PDE4B: variants seen among roughly 807,000 people sequenced by gnomAD.
PDE4B encodes phosphodiesterase 4B, also known as 3',5'-cyclic-AMP phosphodiesterase 4B.
PDE4B carries 20 observed loss-of-function variants against 82.2 expected under a neutral mutation model. The ratio of observed to expected loss-of-function variants is 0.24; its 90% confidence interval spans 0.17 to 0.35. PDE4B has a LOEUF of 0.35. PDE4B is among the 10% of genes least tolerant of loss of function. The pLI is 1.00. For synonymous variants in PDE4B, 320 were observed against 318.9 expected, an observed-to-expected ratio of 1.00 and a Z score of -0.04; for missense variants, 655 against 907.2, an observed-to-expected ratio of 0.72 and a Z score of 3.57.
Position 65,880,607 on chromosome 1 carries a change from T to C in PDE4B, c.-70-32638T>C, listed in dbSNP as rs150087029. Among the ~76,000 whole-genome samples, 142 of 152,346 alleles carry C rather than the reference T, an allele frequency of 9.3e-4. 2 individuals carry two copies. In the East Asian group the frequency reaches 0.023, roughly 24 times the overall value. On this transcript the variant is annotated intron_variant, in intron 1 of 16. Transcript: ENST00000341517. ...GAGGGACCCCTCGCCCCTTCTGCTA[T>C]ATGAGGACATGGTGAAAAAGCACTA...
intron 3 of PDE4B, among the ~76,000 whole-genome samples, chr1:66,091,260 A>G (rs1405696004): frequency 6.6e-6 from 1 of 152,036 alleles, no homozygotes; most frequent in Non-Finnish European, 1.5e-5. Flanking sequence ...CTTCATCAAG[A>G]CAATTCAGGG....
chr1:66,097,626 C>T (rs1454230433), intron 3 of PDE4B, among the ~76,000 whole-genome samples: 1 of 151,822 alleles, frequency 6.6e-6, no homozygotes, highest in Non-Finnish European at 1.5e-5. Flanking sequence ...CCAGTTGGCT[C>T]TTGGTTATAG....
chr1:66,329,419 CTT>C (rs763456311), intron 7 of PDE4B, among the ~76,000 whole-genome samples: 31 of 152,124 alleles, frequency 2.0e-4, no homozygotes, highest in Non-Finnish European at 4.3e-4. Context: ...AAGGAAAAAA[CTT>C]TATATTTTAG....
chr1:65,870,650 C>G (rs2100293722), intron 1 of PDE4B, among the ~76,000 whole-genome samples: 1 of 152,236 alleles, frequency 6.6e-6, no homozygotes, highest in South Asian at 2.1e-4. Context: ...TTTCAAATCA[C>G]CAAGAACCAA....
chr1:66,102,402 A>G (rs1391881161), intron 3 of PDE4B, among the ~76,000 whole-genome samples: 1 of 152,084 alleles, frequency 6.6e-6, no homozygotes, highest in Non-Finnish European at 1.5e-5. Context: ...GTAAATCAGA[A>G]TTTATTATTC....
At chr1:66,183,355 A>G (rs1647111212) in intron 3 of PDE4B, among the ~76,000 whole-genome samples, 1 of 152,214 alleles carries the variant, frequency 6.6e-6, no homozygotes, top group African/African-American at 2.4e-5. Context: ...ATGCTATCAC[A>G]TAGCAATTTA....
At chr1:66,093,921 T>C (rs1645070062) in intron 3 of PDE4B, among the ~76,000 whole-genome samples, 3 of 152,032 alleles carry the variant, frequency 2.0e-5, no homozygotes, top group African/African-American at 7.2e-5. Flanking sequence ...TGTTCTTTCA[T>C]TCATTCAATC....
chr1:65,954,663 G>A (rs1649168144), intron 3 of PDE4B, among the ~76,000 whole-genome samples: 1 of 151,848 alleles, frequency 6.6e-6, no homozygotes, highest in South Asian at 2.1e-4. Context: ...CTTTTCAATG[G>A]TGAAATATTA....
intron 3 of PDE4B, among the ~76,000 whole-genome samples, chr1:66,240,457 A>C (rs559934943): frequency 1.3e-5 from 2 of 152,358 alleles, no homozygotes; most frequent in Admixed American, 1.3e-4. Context: ...CGCCTGAGAA[A>C]GGTGGATGGT....
chr1:66,188,120 T>C (rs1647349391), intron 3 of PDE4B, among the ~76,000 whole-genome samples: 2 of 151,952 alleles, frequency 1.3e-5, no homozygotes, highest in South Asian at 2.1e-4. Flanking sequence ...AGCAGGTTGT[T>C]CAGTTTCCAT....
At chr1:66,227,654 T>A (rs1651561171) in intron 3 of PDE4B, among the ~76,000 whole-genome samples, 1 of 152,182 alleles carries the variant, frequency 6.6e-6, no homozygotes, top group South Asian at 2.1e-4. Context: ...CAAACACAGA[T>A]TTATTTTTTC....
intron 3 of PDE4B, among the ~76,000 whole-genome samples, chr1:66,005,267 T>C (rs1027561082): frequency 7.0e-6 from 1 of 142,550 alleles, no homozygotes; most frequent in Non-Finnish European, 1.5e-5. Context: ...CCTTAAGATC[T>C]CATCTACCCC....
At chr1:66,178,167 A>C (rs1322229449) in intron 3 of PDE4B, among the ~76,000 whole-genome samples, 3 of 152,012 alleles carry the variant, frequency 2.0e-5, no homozygotes, top group African/African-American at 4.8e-5. Flanking sequence ...TCTCCCCCCC[A>C]AAAAAAGAAG....
intron 3 of PDE4B, among the ~76,000 whole-genome samples, chr1:66,063,371 A>G (rs1257231597): frequency 2.6e-5 from 4 of 152,066 alleles, no homozygotes; most frequent in Non-Finnish European, 4.4e-5. Context: ...GGATTCTGAT[A>G]TAATTTATCT....
rs145600438 is a variant in PDE4B, at chr1:65,861,139, C to T, written c.-70-52106C>T. On this transcript the variant is annotated intron_variant, in intron 1 of 16. Transcript: ENST00000341517. Reference sequence around the variant, plus strand: ...TCTTTGCCCTTGCCTAGGTCCTGAACGGTATTGCCTAGGTTTTCTTCTATG... The same window carrying T: ...TCTTTGCCCTTGCCTAGGTCCTGAATGGTATTGCCTAGGTTTTCTTCTATG... 3.6e-3 allele frequency among the ~76,000 whole-genome samples: 551 copies of T among 151,922 alleles called. 3 individuals are homozygous for T. Among genetic ancestry groups the T allele is most frequent in the African/African-American group, 0.013 (524 of 41,488 alleles).
intron 3 of PDE4B, among the ~76,000 whole-genome samples, chr1:65,989,392 T>C (rs905081301): frequency 2.6e-5 from 4 of 151,852 alleles, no homozygotes; most frequent in Non-Finnish European, 5.9e-5. Flanking sequence ...TCTCAGCTAC[T>C]CAGGAGGTAG....
chr1:66,089,993 C>G (rs538337133), intron 3 of PDE4B, among the ~76,000 whole-genome samples: 2 of 151,984 alleles, frequency 1.3e-5, no homozygotes, highest in East Asian at 3.9e-4. Context: ...TCTCCTATAC[C>G]CTTGATCTAT....
At chr1:66,197,924 G>C (rs1256883462) in intron 3 of PDE4B, among the ~76,000 whole-genome samples, 1 of 152,134 alleles carries the variant, frequency 6.6e-6, no homozygotes, top group African/African-American at 2.4e-5. Context: ...AGCAGTTTCT[G>C]TTGAGTTGGC....
chr1:66,299,816 G>A (rs1657758938), intron 7 of PDE4B, among the ~76,000 whole-genome samples: 1 of 151,978 alleles, frequency 6.6e-6, no homozygotes, highest in Non-Finnish European at 1.5e-5. Context: ...TTTGTGTTGA[G>A]GTTTGTACCT....
Sources: allele counts gnomAD v4.1 joint callset (sites outside exome capture counted in the v4.1 genomes callset), GRCh38; gene constraint gnomAD v4.1.1; transcripts MANE v1.5; gene names NCBI Gene and HGNC (gene_info 2026-07-23, HGNC 2026-07-21).